KLHL3: variants seen among roughly 807,000 people sequenced by gnomAD.
KLHL3 encodes the protein kelch like family member 3.
A neutral mutation model predicts 70.5 loss-of-function variants in KLHL3; 19 were observed. The observed-to-expected ratio is 0.27, with a 90% CI of 0.19 to 0.40. The LOEUF is 0.40. Among genes scored for constraint, KLHL3 ranks in the 10% least tolerant of loss-of-function variants. The probability of loss-of-function intolerance (pLI) is 1.00; values close to 1 mark genes in which losing one functional copy is unlikely to be tolerated. For missense variants in KLHL3, 512 were observed against 771.1 expected, an observed-to-expected ratio of 0.66 and a Z score of 3.98; for synonymous variants, 258 against 290.3, an observed-to-expected ratio of 0.89 and a Z score of 1.13.
intron 6 of KLHL3, among the ~76,000 whole-genome samples, chr5:137,663,208 C>G (rs994429966): frequency 6.6e-6 from 1 of 151,876 alleles, no homozygotes; most frequent in Non-Finnish European, 1.5e-5. Context: ...AGGTGTACAC[C>G]ACTACACCCG....
chr5:137,708,768 G>T (rs1752732637), intron 3 of KLHL3, among the ~76,000 whole-genome samples: 1 of 152,216 alleles, frequency 6.6e-6, no homozygotes, highest in African/African-American at 2.4e-5. Context: ...GAGGGGGCCT[G>T]CCTGAGGAGA....
At chr5:137,625,105 A>C (rs1478311331) in intron 14 of KLHL3, among the ~76,000 whole-genome samples, 1 of 152,090 alleles carries the variant, frequency 6.6e-6, no homozygotes, top group Non-Finnish European at 1.5e-5. Flanking sequence ...ATTCAGCCCA[A>C]GGGTTGTTGA....
At chr5:137,627,832 G>A (rs1750516393) in intron 13 of KLHL3, among the ~76,000 whole-genome samples, 2 of 152,182 alleles carry the variant, frequency 1.3e-5, no homozygotes, top group African/African-American at 2.4e-5. Context: ...AACTCATCAA[G>A]GGTCCAACTG....
intron 6 of KLHL3, among the ~76,000 whole-genome samples, chr5:137,662,246 C>A (rs1162215300): frequency 8.0e-6 from 1 of 124,638 alleles, no homozygotes; most frequent in Non-Finnish European, 1.7e-5. Flanking sequence ...ACTCTACACA[C>A]ACACACACAC....
chr5:137,692,319 G>A lies in KLHL3; in HGVS notation c.492C>T (p.Cys164=), dbSNP rs964528365. The A allele has an allele frequency of 2.5e-6, 4 of 1,613,298 alleles. No homozygotes were observed. The highest frequency in any genetic ancestry group is 3.4e-6 in the Non-Finnish European group (4 of 1,179,952). Residue 164 remains cysteine, a synonymous_variant, in exon 5 of 15, where the codon TGC becomes TGT. Transcript: ENST00000309755. ...CATTGGCCTGCTGCAGAAGGTCAGT[G>A]CAGGTGTGTACATCTGCAAATGCAC... ...GIRAFADVHT[C]TDLLQQANAY...
rs3813316 is a variant in KLHL3, at chr5:137,619,694, G to T, written c.*2404C>A. 10,372 of 152,780 alleles carry T rather than the reference G, an allele frequency of 0.068. 762 individuals carry two copies. Among genetic ancestry groups the T allele is most frequent in the East Asian group, 0.36 (1,842 of 5,166 alleles). 9.5% of individuals were successfully genotyped at this position (152,780 alleles called of 1,614,324 possible). On this transcript the variant is annotated 3_prime_UTR_variant, in exon 15 of 15. Coordinates refer to ENST00000309755, the MANE Select transcript of KLHL3 (RefSeq NM_017415.3). ...GACGTACCAGTGTTCTGGTCCCCGT[G>T]AAAAAGGATACATGAGGATGGAGTG...
chr5:137,639,277 C>T lies in KLHL3; in HGVS notation c.1022-127G>A. ...CACCGAAGATACTTTAGGTATTTGGCAGTCATTATGGGATTCACTGGATTT... is the reference window on the plus strand; with the variant it reads ...CACCGAAGATACTTTAGGTATTTGGTAGTCATTATGGGATTCACTGGATTT... On this transcript the variant is annotated intron_variant, in intron 9 of 14. Coordinates refer to ENST00000309755, the MANE Select transcript of KLHL3 (RefSeq NM_017415.3). The surrounding 1 kb of genome is among the most constrained non-coding windows in gnomAD (Gnocchi z 5.0). The T allele has an allele frequency of 1.2e-6, 1 of 810,378 alleles. No individual in the cohort carries two copies. Among genetic ancestry groups the T allele is most frequent in the African/African-American group, 1.7e-5 (1 of 58,798 alleles). 50.2% of individuals were successfully genotyped at this position (810,378 alleles called of 1,614,324 possible).
chr5:137,727,187 C>T (rs776239702), intron 1 of KLHL3, among the ~76,000 whole-genome samples: 9 of 152,096 alleles, frequency 5.9e-5, no homozygotes, highest in Non-Finnish European at 1.0e-4. Context: ...ATCACCTATC[C>T]AAGCCAAAAA....
At chr5:137,644,163 G>A (rs2149888078) in intron 8 of KLHL3, among the ~76,000 whole-genome samples, 1 of 152,164 alleles carries the variant, frequency 6.6e-6, no homozygotes, top group East Asian at 1.9e-4. Context: ...CCACCCCCCG[G>A]GTTCAAGCAA....
chr5:137,662,281 ACAC>A lies in KLHL3; in HGVS notation c.637-253_637-251del, dbSNP rs1490957730. On this transcript the variant is annotated intron_variant, in intron 6 of 14. Coordinates refer to ENST00000309755, the MANE Select transcript of KLHL3 (RefSeq NM_017415.3). ...CACACACACACACACACACACACAC[ACAC>A]AAGGACAAACCTGCTATCCCAAATG... Among the ~76,000 whole-genome samples, 19 of 148,378 alleles carry A rather than the reference ACAC, an allele frequency of 1.3e-4. No homozygotes were observed. The East Asian group carries it at 1.4e-3, about 11-fold the overall frequency.
chr5:137,726,302 T>C (rs1753084077), intron 1 of KLHL3, among the ~76,000 whole-genome samples: 1 of 152,200 alleles, frequency 6.6e-6, no homozygotes, highest in South Asian at 2.1e-4. Context: ...GTCATGATTC[T>C]TGACTAGTAT....
At position 137,621,335 on chromosome 5, in the gene KLHL3, TGACATCAAA is replaced by T. The variant is rs1750288475; in HGVS notation, c.*754_*762del. 1 of 152,620 alleles carries T rather than the reference TGACATCAAA, an allele frequency of 6.6e-6. No individual in the cohort carries two copies. Among genetic ancestry groups the T allele is most frequent in the Non-Finnish European group, 1.5e-5 (1 of 68,050 alleles). 9.5% of individuals were successfully genotyped at this position (152,620 alleles called of 1,614,324 possible). ...TAACACCTCCCAGGCCTGGAATCTA[TGACATCAAA>T]GACCAATGGCCTAAACCTGAAGACT... On this transcript the variant is annotated 3_prime_UTR_variant, in exon 15 of 15. Coordinates refer to ENST00000309755, the MANE Select transcript of KLHL3 (RefSeq NM_017415.3).
chr5:137,675,628 C>T (rs1013946177), intron 6 of KLHL3, among the ~76,000 whole-genome samples: 15 of 152,164 alleles, frequency 9.9e-5, no homozygotes, highest in East Asian at 3.9e-4. Context: ...GGTTTGCCTG[C>T]GTCCAGAGCC....
chr5:137,733,002 C>A (rs1753204918), intron 1 of KLHL3, among the ~76,000 whole-genome samples: 1 of 152,092 alleles, frequency 6.6e-6, no homozygotes, highest in Non-Finnish European at 1.5e-5. Flanking sequence ...TATTTTCATA[C>A]CCTCATGGCA....
chr5:137,622,056 G>A lies in KLHL3; in HGVS notation c.*42C>T, dbSNP rs1310102331. The A allele has an allele frequency of 6.2e-7, 1 of 1,611,210 alleles. No homozygotes were observed. The highest frequency in any genetic ancestry group is 1.1e-5 in the South Asian group (1 of 91,018). ...GTCCTGCTGTTCAGAGTCACAGGCA[G>A]CACCTGCTCCTTCCTCCACCTCCTG... On this transcript the variant is annotated 3_prime_UTR_variant, in exon 15 of 15. Transcript: ENST00000309755.
At chr5:137,712,001 A>C (rs1752801195) in intron 2 of KLHL3, among the ~76,000 whole-genome samples, 1 of 146,544 alleles carries the variant, frequency 6.8e-6, no homozygotes, top group Non-Finnish European at 1.5e-5. Flanking sequence ...TAAAAATACA[A>C]AAAAAAAAAA....
chr5:137,697,758 G>C (rs371877379), intron 4 of KLHL3, among the ~76,000 whole-genome samples: 1 of 152,058 alleles, frequency 6.6e-6, no homozygotes. Flanking sequence ...ATCCAAGTTT[G>C]TAAACACTTT....
At chr5:137,700,908 C>G (rs1752553522) in intron 3 of KLHL3, among the ~76,000 whole-genome samples, 1 of 152,202 alleles carries the variant, frequency 6.6e-6, no homozygotes, top group African/African-American at 2.4e-5. Context: ...ATAGTCACTA[C>G]TGTATACCTG....
In KLHL3 at chr5:137,634,056, G is replaced by A. The variant is rs1209662747; in HGVS notation, c.1431C>T (p.Ser477=). 1 of 1,614,136 alleles carries A rather than the reference G, an allele frequency of 6.2e-7. No individual in the cohort carries two copies. The highest frequency in any genetic ancestry group is 1.1e-5 in the South Asian group (1 of 91,080). ...CCATACCTGCGCCACTGCGGCGGGT[G>A]CTCATGTCCGCCACGTATATCCATT... ...TNEWIYVADM[S]TRRSGAGVGV... The change falls in exon 12 of 15, where the codon AGC becomes AGT. Residue 477 remains serine (S), a synonymous_variant. Coordinates refer to ENST00000309755, the MANE Select transcript of KLHL3 (RefSeq NM_017415.3).
Sources: gnomAD v4.1 joint callset for allele counts (sites outside exome capture counted in the v4.1 genomes callset) on GRCh38, gnomAD v4.1.1 for gene constraint, Gnocchi (gnomAD v3.1) non-coding constraint, MANE v1.5 for transcripts, NCBI Gene and HGNC (gene_info 2026-07-23, HGNC 2026-07-21) for gene names.